The following ADGRE3 variants were observed in gnomAD, a reference collection of about 807,000 sequenced individuals.
ADGRE3 encodes the protein adhesion G protein-coupled receptor E3.
In ADGRE3, 88 loss-of-function variants were observed where a neutral mutation model predicts 80.1. The observed-to-expected ratio is 1.10, with a 90% CI of 0.93 to 1.31. ADGRE3 has a LOEUF of 1.31. ADGRE3 is among the 40% of genes most tolerant of loss of function. The probability of loss-of-function intolerance (pLI) is 0.00; values close to 1 mark genes in which losing one functional copy is unlikely to be tolerated. For missense variants in ADGRE3, 715 were observed against 776.5 expected (o/e 0.92, Z 0.94); for synonymous variants, 281 against 294.8 (o/e 0.95, Z 0.48).
At chr19:14,654,268 T>C (rs1971688963) in intron 6 of ADGRE3, among the ~76,000 whole-genome samples, 2 of 150,988 alleles carry the variant, frequency 1.3e-5, no homozygotes, top group South Asian at 4.2e-4. Context: ...CCTGTTTTTT[T>C]TTTTTTTTTA....
chr19:14,645,927 G>A (rs1340278195), intron 8 of ADGRE3, among the ~76,000 whole-genome samples: 2 of 152,128 alleles, frequency 1.3e-5, no homozygotes, highest in Non-Finnish European at 2.9e-5. Context: ...AGCTATGATT[G>A]TGCAACTGCA....
intron 13 of ADGRE3, 32 bp from the exon 14 acceptor site, chr19:14,630,239 A>C (rs747073054): frequency 6.4e-7 from 1 of 1,572,112 alleles, no homozygotes; most frequent in Non-Finnish European, 8.6e-7. Context: ...TTAGGATGTC[A>C]AAAAACTAAT....
intron 2 of ADGRE3, among the ~76,000 whole-genome samples, chr19:14,665,936 G>GTATATATATGCATATATATATA (rs71166783): frequency 1.7e-4 from 7 of 42,098 alleles, no homozygotes; most frequent in African/African-American, 8.0e-4. Context: ...ACACATATGT[G>GTATATATATGCATATATATATA]TATATATATA....
chr19:14,629,065 G>T (rs189350302), intron 14 of ADGRE3, among the ~76,000 whole-genome samples: 64 of 152,146 alleles, frequency 4.2e-4, no homozygotes, highest in Middle Eastern at 3.4e-3. Flanking sequence ...GGGATTACAG[G>T]CGCCTCCATC....
chr19:14,637,115 C>CA (rs1010933548), intron 11 of ADGRE3, among the ~76,000 whole-genome samples: 1 of 151,830 alleles, frequency 6.6e-6, no homozygotes, highest in African/African-American at 2.4e-5. Context: ...AAAAACAAAA[C>CA]AAAAAAAATT....
At chr19:14,630,898 T>C (rs1970864187) in intron 13 of ADGRE3, among the ~76,000 whole-genome samples, 3 of 151,538 alleles carry the variant, frequency 2.0e-5, no homozygotes, top group Admixed American at 2.0e-4. Context: ...GGTCATATAA[T>C]TTTTTTTGTT....
chr19:14,651,259 A>G, intron 6 of ADGRE3, 55 bp from the exon 7 acceptor site: 2 of 1,599,692 alleles, frequency 1.3e-6, no homozygotes, highest in Non-Finnish European at 1.7e-6. Flanking sequence ...CTTTAAAAAT[A>G]TGCATAGGAA....
At chr19:14,649,939 T>TCC in intron 7 of ADGRE3, among the ~76,000 whole-genome samples, 3 of 38,456 alleles carry the variant, frequency 7.8e-5, no homozygotes, top group African/African-American at 2.5e-4. Context: ...TCCATCTCTC[T>TCC]CCATCTCTTT....
chr19:14,630,263 A>C, intron 13 of ADGRE3, 56 bp from the exon 14 acceptor site: 3 of 1,444,972 alleles, frequency 2.1e-6, no homozygotes, highest in Non-Finnish European at 2.8e-6. Context: ...GAGCATGAAC[A>C]CCCCTCTAGT....
chr19:14,619,153 C>G lies in ADGRE3; in HGVS notation c.*280G>C, dbSNP rs1197366040. 2.5e-6 allele frequency: 1 copy of G among 406,688 alleles called. No individual in the cohort carries two copies. 25.2% of individuals were successfully genotyped at this position (406,688 alleles called of 1,614,324 possible). A position where few individuals can be genotyped will look rare whatever the true frequency, so the allele number is the denominator to read the frequency against. On this transcript the variant is annotated 3_prime_UTR_variant, in exon 16 of 16. Transcript: ENST00000253673. Reference sequence around the variant, plus strand: ...GGACTAAGAACTTGAGGAAAAGGACCTCTTCATTTACAAAAAGTCAAGGAA... The same window carrying G: ...GGACTAAGAACTTGAGGAAAAGGACGTCTTCATTTACAAAAAGTCAAGGAA...
intron 1 of ADGRE3, 127 bp from the exon 2 acceptor site, chr19:14,668,979 A>C (rs867402711): frequency 7.3e-5 from 64 of 880,166 alleles, no homozygotes; most frequent in Middle Eastern, 2.2e-4. Flanking sequence ...TAGTGGCTTA[A>C]AGCTACATTT....
At chr19:14,640,660 G>A (rs538243020) in intron 10 of ADGRE3, among the ~76,000 whole-genome samples, 1 of 151,814 alleles carries the variant, frequency 6.6e-6, no homozygotes, top group Non-Finnish European at 1.5e-5. Flanking sequence ...CAATGATATG[G>A]TTTGGCTCTG....
At chr19:14,663,033 C>T (rs1050524029) in intron 3 of ADGRE3, among the ~76,000 whole-genome samples, 76 of 151,912 alleles carry the variant, frequency 5.0e-4, no homozygotes, top group African/African-American at 1.8e-3. Context: ...ATCAGAGTCT[C>T]GATCTGTTGC....
intron 4 of ADGRE3, among the ~76,000 whole-genome samples, 199 bp downstream of exon 4, chr19:14,661,764 G>A (rs529392246): frequency 6.6e-5 from 10 of 152,294 alleles, no homozygotes; most frequent in South Asian, 2.1e-4. Context: ...GCTGGGCGTC[G>A]TGGTGCACGT....
rs1971430753 is a variant in ADGRE3 at position 14,647,161 on chromosome 19, A to G, written c.882+20T>C. The G allele has an allele frequency of 6.2e-6, 10 of 1,609,578 alleles. No homozygotes were observed. The highest frequency in any genetic ancestry group is 8.5e-6 in the Non-Finnish European group (10 of 1,176,484). On this transcript the variant is annotated intron_variant, in intron 8 of 15. Transcript: ENST00000253673. ...TGCCTCCTTGAGAACCCACAAGCTC[A>G]AATCATACCTGTGACCCACCTTCAC...
chr19:14,611,243 C>G, the ADGRE3 span: 1 of 152,196 alleles, frequency 6.6e-6, no homozygotes, highest in Admixed American at 6.6e-5. Flanking sequence ...TCAAACAGCA[C>G]AAATAACCCA....
chr19:14,620,956 T>C (rs1272416358), intron 15 of ADGRE3, among the ~76,000 whole-genome samples: 1 of 152,112 alleles, frequency 6.6e-6, no homozygotes, highest in Non-Finnish European at 1.5e-5. Flanking sequence ...CTGGGAAACC[T>C]TTCATAGGTC....
At chr19:14,625,679 A>G in intron 14 of ADGRE3, 80 bp from the exon 15 acceptor site, 1 of 772,230 alleles carries the variant, frequency 1.3e-6, no homozygotes, top group Non-Finnish European at 2.3e-6. Flanking sequence ...CAGGAAGAGG[A>G]TAGAGATGTA....
At chr19:14,664,759 G>C (rs964414643) in intron 2 of ADGRE3, among the ~76,000 whole-genome samples, 5 of 151,920 alleles carry the variant, frequency 3.3e-5, no homozygotes, top group African/African-American at 7.3e-5. Flanking sequence ...ATGGGAGGGA[G>C]ATTCTGATCG....
Sources: allele counts gnomAD v4.1 joint callset (sites outside exome capture counted in the v4.1 genomes callset), GRCh38; gene constraint gnomAD v4.1.1; transcripts MANE v1.5; gene names NCBI Gene and HGNC (gene_info 2026-07-23, HGNC 2026-07-21).